The following FBXL20 variants were observed in gnomAD, a reference collection of about 807,000 sequenced individuals.
FBXL20 encodes F-box/LRR-repeat protein 20.
In FBXL20, 11 loss-of-function variants were observed where a neutral mutation model predicts 64.0. That is an observed-to-expected ratio of 0.17 (90% CI 0.11 to 0.28). The LOEUF (loss-of-function observed/expected upper bound fraction) is 0.28. Among genes scored for constraint, FBXL20 ranks in the 10% least tolerant of loss-of-function variants. The probability of loss-of-function intolerance (pLI) is 1.00; values close to 1 mark genes in which losing one functional copy is unlikely to be tolerated. For synonymous variants in FBXL20, 184 were observed against 189.0 expected (o/e 0.97, Z 0.22); for missense variants, 303 against 526.2 (o/e 0.58, Z 4.15).
intron 6 of FBXL20, among the ~76,000 whole-genome samples, chr17:39,288,715 T>G (rs2047010640): frequency 6.6e-6 from 1 of 150,534 alleles, no homozygotes. Context: ...GACGCATAAT[T>G]TTTTTTTTCC....
chr17:39,383,554 G>A (rs1367557465), intron 1 of FBXL20, among the ~76,000 whole-genome samples: 2 of 151,412 alleles, frequency 1.3e-5, no homozygotes, highest in African/African-American at 4.9e-5. Context: ...AGTGTTATAG[G>A]TAGTGTCAGA....
chr17:39,393,241 A>G (rs1296758451), intron 1 of FBXL20, among the ~76,000 whole-genome samples: 2 of 152,080 alleles, frequency 1.3e-5, no homozygotes, highest in African/African-American at 4.8e-5. Flanking sequence ...GTGAGCTCAG[A>G]TCGCGCCATT....
intron 4 of FBXL20, among the ~76,000 whole-genome samples, chr17:39,299,900 A>G (rs2047119656): frequency 6.6e-6 from 1 of 151,972 alleles, no homozygotes; most frequent in Admixed American, 6.6e-5. Flanking sequence ...AGTTCGATAC[A>G]AGCCTGGCCA....
chr17:39,357,376 T>C (rs2047752638), intron 1 of FBXL20, among the ~76,000 whole-genome samples: 1 of 152,092 alleles, frequency 6.6e-6, no homozygotes, highest in South Asian at 2.1e-4. Context: ...TTCTAGACTC[T>C]CAATACTGTT....
intron 2 of FBXL20, among the ~76,000 whole-genome samples, chr17:39,322,729 G>A (rs1399750989): frequency 6.6e-6 from 1 of 152,010 alleles, no homozygotes; most frequent in Non-Finnish European, 1.5e-5. Context: ...AACTACTTCT[G>A]TAACCCACAT....
intron 2 of FBXL20, among the ~76,000 whole-genome samples, chr17:39,338,485 A>G (rs1344043054): frequency 6.6e-6 from 1 of 152,158 alleles, no homozygotes; most frequent in Non-Finnish European, 1.5e-5. Flanking sequence ...CTATTGTCCT[A>G]TGACCCTGCC....
chr17:39,371,730 G>C (rs889533832), intron 1 of FBXL20, among the ~76,000 whole-genome samples: 1 of 150,384 alleles, frequency 6.6e-6, no homozygotes, highest in Non-Finnish European at 1.5e-5. Context: ...GCATGATCTC[G>C]GCTCACCACA....
intron 3 of FBXL20, 48 bp from the exon 4 acceptor site, chr17:39,301,123 G>A: frequency 6.5e-7 from 1 of 1,545,840 alleles, no homozygotes; most frequent in Non-Finnish European, 8.9e-7. Flanking sequence ...AAAATTAAGG[G>A]GAAAAGGCAG....
intron 1 of FBXL20, among the ~76,000 whole-genome samples, chr17:39,379,986 G>A (rs1465024955): frequency 6.6e-6 from 1 of 151,796 alleles, no homozygotes; most frequent in East Asian, 1.9e-4. Context: ...TCTCAACAAA[G>A]AAATTAGAAA....
chr17:39,301,151 A>G, intron 3 of FBXL20, 76 bp from the exon 4 acceptor site: 1 of 1,371,894 alleles, frequency 7.3e-7, no homozygotes, highest in Non-Finnish European at 1.0e-6. Context: ...CAAGTTCACA[A>G]TTCAACCAAC....
intron 9 of FBXL20, among the ~76,000 whole-genome samples, chr17:39,280,476 T>C (rs1184892621): frequency 6.7e-6 from 1 of 150,212 alleles, no homozygotes; most frequent in Non-Finnish European, 1.5e-5. Context: ...GGCAGGAGAA[T>C]CGCTTGAGCC....
chr17:39,292,640 T>TTTTTGA (rs151046225), intron 6 of FBXL20, among the ~76,000 whole-genome samples: 3 of 151,486 alleles, frequency 2.0e-5, no homozygotes, highest in Admixed American at 1.3e-4. Context: ...TTCTTTTTTT[T>TTTTTGA]GAGAGTTTTT....
intron 2 of FBXL20, among the ~76,000 whole-genome samples, chr17:39,336,835 A>AT (rs1355801244): frequency 6.6e-6 from 1 of 151,850 alleles, no homozygotes; most frequent in Non-Finnish European, 1.5e-5. Context: ...AAAAAAAAAA[A>AT]GAAAAGAAAA....
At chr17:39,263,814 T>G (rs1392290872) in intron 14 of FBXL20, 1 of 174,454 alleles carries the variant, frequency 5.7e-6, no homozygotes, top group African/African-American at 2.4e-5. Context: ...TAAATCCCAT[T>G]TAACCAAACA....
Position 39,260,334 on chromosome 17 carries a change from T to C in FBXL20, c.*1126A>G, listed in dbSNP as rs2046733995. On this transcript the variant is annotated 3_prime_UTR_variant, in exon 15 of 15. Coordinates refer to ENST00000264658, the MANE Select transcript of FBXL20 (RefSeq NM_032875.3). Reference sequence around the variant, plus strand: ...GGGACTTTCAGGCTCTGTTTTGTGATTTATCATTTTCACTCTTTCCTAATA... The same window carrying C: ...GGGACTTTCAGGCTCTGTTTTGTGACTTATCATTTTCACTCTTTCCTAATA... 6.6e-6 allele frequency: 1 copy of C among 152,152 alleles called. No individual in the cohort carries two copies. Among genetic ancestry groups the C allele is most frequent in the Admixed American group, 6.6e-5 (1 of 15,262 alleles). The allele number at this position is 152,152 out of a possible 1,614,324, so 9.4% of individuals were successfully genotyped here.
At chr17:39,365,991 A>T (rs574641428) in intron 1 of FBXL20, among the ~76,000 whole-genome samples, 33 of 151,984 alleles carry the variant, frequency 2.2e-4, no homozygotes, top group Admixed American at 5.2e-4. Flanking sequence ...AACGGAATTT[A>T]AAAAAATTTT....
chr17:39,379,308 A>G (rs547209635), intron 1 of FBXL20, among the ~76,000 whole-genome samples: 2 of 152,042 alleles, frequency 1.3e-5, no homozygotes, highest in South Asian at 2.1e-4. Flanking sequence ...GCCCTTGTAC[A>G]CTGCTGGTGG....
At position 39,366,038 on chromosome 17, in the gene FBXL20, T is replaced by C. The variant is rs1397751964; in HGVS notation, c.43-22797A>G. ...AGATGGGGTCTCGCTATGTCTGAAG[T>C]AGACTGGCTATTCACAGGAGCGATC... is the stretch of plus-strand genomic sequence containing the variant. On this transcript the variant is annotated intron_variant, in intron 1 of 14. Transcript: ENST00000264658. Among the ~76,000 whole-genome samples the C allele has an allele frequency of 5.9e-5, 9 of 152,132 alleles. No homozygotes were observed. The South Asian group carries it at 1.5e-3, about 25-fold the overall frequency.
At chr17:39,277,362 C>T (rs1380512072) in intron 9 of FBXL20, among the ~76,000 whole-genome samples, 1 of 152,154 alleles carries the variant, frequency 6.6e-6, no homozygotes, top group African/African-American at 2.4e-5. Context: ...TTGTGCCACA[C>T]AATATTAGAA....
Sources: gnomAD v4.1 joint callset for allele counts (sites outside exome capture counted in the v4.1 genomes callset) on GRCh38, gnomAD v4.1.1 for gene constraint, MANE v1.5 for transcripts, NCBI Gene and HGNC (gene_info 2026-07-23, HGNC 2026-07-21) for gene names.